Variants in ASAP1 observed in about 807,000 individuals in gnomAD.
ASAP1 encodes arf-GAP with SH3 domain, ANK repeat and PH domain-containing protein 1.
ASAP1 carries 43 observed loss-of-function variants against 145.2 expected under a neutral mutation model. The ratio of observed to expected loss-of-function variants is 0.30; its 90% confidence interval spans 0.23 to 0.38. ASAP1 has a LOEUF of 0.38. Ranked by LOEUF, ASAP1 falls within the 10% of genes least tolerant of loss-of-function variation. ASAP1 has a pLI of 1.00. For synonymous variants in ASAP1, 546 were observed against 515.5 expected, an observed-to-expected ratio of 1.06 and a Z score of -0.80; for missense variants, 1,018 against 1,355.3, an observed-to-expected ratio of 0.75 and a Z score of 3.91.
chr8:130,353,247 T>C (rs1352770042), intron 3 of ASAP1, among the ~76,000 whole-genome samples: 2 of 152,224 alleles, frequency 1.3e-5, no homozygotes, highest in East Asian at 1.9e-4. Context: ...AAATGACTTG[T>C]ATATAGCAGG....
intron 16 of ASAP1, among the ~76,000 whole-genome samples, chr8:130,127,085 T>C (rs1023228854): frequency 6.6e-6 from 1 of 152,172 alleles, no homozygotes; most frequent in Non-Finnish European, 1.5e-5. Flanking sequence ...AATACACTGG[T>C]AATATAGTGC....
intron 5 of ASAP1, among the ~76,000 whole-genome samples, chr8:130,206,889 T>C (rs1816258731): frequency 6.6e-6 from 1 of 151,806 alleles, no homozygotes; most frequent in Non-Finnish European, 1.5e-5. Flanking sequence ...CTCCTTAACT[T>C]CTTTGCTAGG....
chr8:130,342,539 A>C (rs1379893342), intron 3 of ASAP1, among the ~76,000 whole-genome samples: 1 of 152,138 alleles, frequency 6.6e-6, no homozygotes, highest in Non-Finnish European at 1.5e-5. Flanking sequence ...CAGAGGCCCA[A>C]TATACCCAGA....
At chr8:130,168,549 C>T (rs886724215) in intron 10 of ASAP1, among the ~76,000 whole-genome samples, 14 of 152,144 alleles carry the variant, frequency 9.2e-5, no homozygotes, top group African/African-American at 3.1e-4. Flanking sequence ...AAGATCGTGC[C>T]ACTGTACTCC....
At chr8:130,282,512 G>A (rs1175139339) in intron 3 of ASAP1, among the ~76,000 whole-genome samples, 3 of 152,094 alleles carry the variant, frequency 2.0e-5, no homozygotes, top group African/African-American at 4.8e-5. Flanking sequence ...TGCACTCCAC[G>A]TGGATACTCA....
At chr8:130,411,666 A>G (rs929800750) in intron 1 of ASAP1, among the ~76,000 whole-genome samples, 1 of 152,228 alleles carries the variant, frequency 6.6e-6, no homozygotes, top group African/African-American at 2.4e-5. Flanking sequence ...AGGAAGTTGT[A>G]TAAGTGTAGA....
At chr8:130,100,752 G>T (rs549109002) in intron 24 of ASAP1, among the ~76,000 whole-genome samples, 15 of 152,288 alleles carry the variant, frequency 9.8e-5, no homozygotes, top group Admixed American at 9.2e-4. Flanking sequence ...TCCCTTGTAA[G>T]ATGAATAGTT....
intron 23 of ASAP1, among the ~76,000 whole-genome samples, chr8:130,114,059 G>A (rs1348914881): frequency 6.6e-6 from 1 of 152,168 alleles, no homozygotes; most frequent in African/African-American, 2.4e-5. Context: ...TGGGATTACA[G>A]GTGTGAGCCA....
At chr8:130,409,977 A>G (rs1270376210) in intron 1 of ASAP1, among the ~76,000 whole-genome samples, 1 of 152,244 alleles carries the variant, frequency 6.6e-6, no homozygotes, top group African/African-American at 2.4e-5. Context: ...AGAAACAGAC[A>G]GGATGAATGG....
rs751906732 is a variant in ASAP1 at position 130,079,985 on chromosome 8, C to G, written c.2573-14G>C. Reference sequence around the variant, plus strand: ...CCCCATCGTTACCTACAAGGAAAACCGAAGGTGAAAAGGTATGTCTTTAGA... The same window carrying G: ...CCCCATCGTTACCTACAAGGAAAACGGAAGGTGAAAAGGTATGTCTTTAGA... On this transcript the variant is annotated splice_polypyrimidine_tract_variant and intron_variant, in intron 25 of 29. Coordinates refer to ENST00000518721, the MANE Select transcript of ASAP1 (RefSeq NM_018482.4). 26 of 1,611,994 alleles carry G rather than the reference C, an allele frequency of 1.6e-5. No individual in the cohort carries two copies. The South Asian group carries it at 2.9e-4, about 18-fold the overall frequency.
At chr8:130,357,657 C>T (rs1826407846) in intron 3 of ASAP1, among the ~76,000 whole-genome samples, 1 of 152,222 alleles carries the variant, frequency 6.6e-6, no homozygotes, top group East Asian at 1.9e-4. Flanking sequence ...CGCCTCTGGG[C>T]CCTCGGTGGC....
chr8:130,111,780 C>G (rs1186512994), intron 24 of ASAP1, among the ~76,000 whole-genome samples: 1 of 152,134 alleles, frequency 6.6e-6, no homozygotes, highest in Non-Finnish European at 1.5e-5. Flanking sequence ...GTGGTGTGAC[C>G]TTGGGCTGGT....
chr8:130,120,577 G>A (rs868329348), intron 18 of ASAP1, among the ~76,000 whole-genome samples: 19 of 152,194 alleles, frequency 1.2e-4, no homozygotes, highest in Admixed American at 7.9e-4. Flanking sequence ...AAGTTGCGGG[G>A]AGGTAGATCT....
intron 4 of ASAP1, among the ~76,000 whole-genome samples, chr8:130,224,741 T>C (rs1021395526): frequency 6.6e-6 from 1 of 152,236 alleles, no homozygotes; most frequent in Non-Finnish European, 1.5e-5. Flanking sequence ...GAAAGGATAC[T>C]AGGTTTTCTG....
intron 2 of ASAP1, among the ~76,000 whole-genome samples, chr8:130,390,321 T>G (rs1252966412): frequency 1.3e-5 from 2 of 152,206 alleles, no homozygotes; most frequent in African/African-American, 2.4e-5. Context: ...ACAGAATATT[T>G]CCATTTCATA....
At chr8:130,240,631 T>C (rs1159335541) in intron 3 of ASAP1, among the ~76,000 whole-genome samples, 1 of 152,108 alleles carries the variant, frequency 6.6e-6, no homozygotes, top group East Asian at 1.9e-4. Flanking sequence ...TAAGTATGTA[T>C]CCGCAGTTGG....
intron 1 of ASAP1, among the ~76,000 whole-genome samples, chr8:130,430,236 T>C (rs542294678): frequency 6.6e-6 from 1 of 152,220 alleles, no homozygotes; most frequent in African/African-American, 2.4e-5. Context: ...TCTGGTCTAC[T>C]ACAGGATGGG....
chr8:130,103,139 A>G (rs1391800143), intron 24 of ASAP1, among the ~76,000 whole-genome samples: 4 of 151,666 alleles, frequency 2.6e-5, no homozygotes, highest in Admixed American at 2.6e-4. Context: ...TCTTGGTTCA[A>G]TCTTGGTGGT....
chr8:130,099,272 A>T (rs1427020299), intron 24 of ASAP1, among the ~76,000 whole-genome samples: 3 of 150,220 alleles, frequency 2.0e-5, no homozygotes, highest in Admixed American at 1.3e-4. Context: ...TCCACCTCCC[A>T]GGTTCACGCC....
Sources: gnomAD v4.1 joint callset for allele counts (sites outside exome capture counted in the v4.1 genomes callset) on GRCh38, gnomAD v4.1.1 for gene constraint, MANE v1.5 for transcripts, NCBI Gene and HGNC (gene_info 2026-07-23, HGNC 2026-07-21) for gene names.